The following ATG7 variants were observed in gnomAD, a reference collection of about 807,000 sequenced individuals.
ATG7 encodes ubiquitin-like modifier-activating enzyme ATG7.
Under a neutral mutation model 82.4 loss-of-function variants are expected in ATG7, and 70 were observed. The ratio of observed to expected loss-of-function variants is 0.85; its 90% confidence interval spans 0.70 to 1.04. The LOEUF is 1.04. Ranked by LOEUF, ATG7 falls within the 50% of genes least tolerant of loss-of-function variation. The pLI is 0.00. For missense variants in ATG7, 792 were observed against 864.3 expected (o/e 0.92, Z 1.05); for synonymous variants, 287 against 313.0 (o/e 0.92, Z 0.88).
Position 11,372,821 on chromosome 3 carries a change from CGT to C in ATG7, c.1876-7147_1876-7146del, listed in dbSNP as rs1205217101. Reference sequence around the variant, plus strand: ...GGCTGGGTGTGTGTGTGTGTGCGCGCGTGTGCGTGTGTGTGCGTGCGTGCGTG... The same window carrying C: ...GGCTGGGTGTGTGTGTGTGTGCGCGCGTGCGTGTGTGTGCGTGCGTGCGTG... On this transcript the variant is annotated intron_variant, in intron 18 of 20. Coordinates refer to ENST00000693202, the MANE Select transcript of ATG7 (RefSeq NM_001349232.2). 9.6e-5 allele frequency among the ~76,000 whole-genome samples: 12 copies of C among 125,392 alleles called. 1 individual carries two copies. In the South Asian group the frequency reaches 1.9e-3, roughly 20 times the overall value. The allele number at this position is 125,392 out of a possible 152,430, so 82.3% of individuals were successfully genotyped here.
At chr3:11,324,758 A>G (rs1950632138) in intron 9 of ATG7, among the ~76,000 whole-genome samples, 1 of 152,208 alleles carries the variant, frequency 6.6e-6, no homozygotes, top group Non-Finnish European at 1.5e-5. Context: ...TCTAGTTTAT[A>G]TAATTTAGAT....
chr3:11,286,459 T>C (rs996960331), intron 3 of ATG7, among the ~76,000 whole-genome samples: 2 of 152,150 alleles, frequency 1.3e-5, no homozygotes, highest in African/African-American at 4.8e-5. Context: ...CTGGGGTTTG[T>C]TCTCATAGTC....
downstream of ATG7, chr3:11,558,061 C>T (rs1026241112): frequency 5.6e-5 from 9 of 159,624 alleles, no homozygotes; most frequent in Non-Finnish European, 9.7e-5. Context: ...CAACTTTAGT[C>T]CTCCTCCAAT....
chr3:11,354,699 T>C (rs1240040438), intron 14 of ATG7, among the ~76,000 whole-genome samples: 1 of 150,676 alleles, frequency 6.6e-6, no homozygotes, highest in Admixed American at 6.6e-5. Context: ...GGAGCCACAC[T>C]TGAGGTTTTA....
intron 20 of ATG7, among the ~76,000 whole-genome samples, chr3:11,553,594 C>T (rs112575359): frequency 1.8e-4 from 27 of 152,312 alleles, no homozygotes; most frequent in African/African-American, 4.8e-4. Context: ...CGGTGGGGAC[C>T]TGACCCAGAG....
At chr3:11,384,767 C>T (rs888873709) in intron 19 of ATG7, among the ~76,000 whole-genome samples, 6 of 151,940 alleles carry the variant, frequency 3.9e-5, no homozygotes, top group Non-Finnish European at 8.8e-5. Flanking sequence ...TTGAGACCAG[C>T]CTGGGTAACA....
chr3:11,516,022 A>G (rs114359744), intron 20 of ATG7, among the ~76,000 whole-genome samples: 6,325 of 149,224 alleles, frequency 0.042, 441 homozygotes, highest in African/African-American at 0.15. Context: ...AACAGCTCAC[A>G]TTCCTTTTTA....
the ATG7 span, among the ~76,000 whole-genome samples, chr3:11,571,750 C>T: frequency 4.7e-4 from 72 of 152,282 alleles, 1 homozygote; most frequent in African/African-American, 1.7e-3. Context: ...TCCATGGACC[C>T]GGCAACACAG....
rs570582042 is a variant in ATG7, at chr3:11,554,822, G to A, written c.2091G>A (p.Met697Ile). Residue 697 changes from methionine to isoleucine, a missense_variant, in exon 21 of 21, where the codon ATG becomes ATA. By Grantham distance (10) the Met-to-Ile change is conservative (BLOSUM62 1). Coordinates refer to ENST00000693202, the MANE Select transcript of ATG7 (RefSeq NM_001349232.2). ...CCTTCTCCATGCAGATCTGGGACAT[G>A]AGCGATGATGAGACCATCTGAGATG... ...QETQAAEIWD[M>I]SDDETI is the part of the protein sequence containing the mutation. The A allele has an allele frequency of 1.4e-4, 229 of 1,613,390 alleles. 1 individual carries two copies. In the South Asian group the frequency reaches 2.3e-3, roughly 16 times the overall value.
At chr3:11,375,437 G>A (rs1247486221) in intron 18 of ATG7, among the ~76,000 whole-genome samples, 3 of 152,222 alleles carry the variant, frequency 2.0e-5, no homozygotes, top group East Asian at 3.8e-4. Flanking sequence ...AGAAATGCAA[G>A]TCACAACCAT....
At chr3:11,497,534 A>G (rs11715175) in intron 20 of ATG7, among the ~76,000 whole-genome samples, 20,436 of 120,328 alleles carry the variant, frequency 0.17, 1,661 homozygotes, top group East Asian at 0.33. Flanking sequence ...AGACTCCACC[A>G]AAAAAAAAAA....
At chr3:11,299,725 G>A (rs1334537247) in intron 5 of ATG7, among the ~76,000 whole-genome samples, 1 of 152,030 alleles carries the variant, frequency 6.6e-6, no homozygotes, top group Non-Finnish European at 1.5e-5. Flanking sequence ...TTCTTTTCTT[G>A]ATACCTCTCT....
At chr3:11,348,125 T>A in intron 14 of ATG7, 90 bp downstream of exon 14, 1 of 1,472,644 alleles carries the variant, frequency 6.8e-7, no homozygotes, top group Middle Eastern at 2.2e-4. Context: ...AGAAAGAGAG[T>A]CAGATATCTG....
intron 19 of ATG7, among the ~76,000 whole-genome samples, chr3:11,426,292 G>A (rs2082356433): frequency 6.6e-6 from 1 of 152,108 alleles, no homozygotes; most frequent in African/African-American, 2.4e-5. Context: ...ATGCCATGGA[G>A]CCCATTTTCA....
intron 20 of ATG7, among the ~76,000 whole-genome samples, chr3:11,507,093 C>G (rs868207162): frequency 2.1e-4 from 32 of 152,158 alleles, no homozygotes; most frequent in African/African-American, 7.0e-4. Context: ...ACAGCCAGGC[C>G]CAACATAGTG....
At position 11,323,253 on chromosome 3, in the gene ATG7, T is replaced by C. The variant is rs560027351; in HGVS notation, c.678+7760T>C. Among the ~76,000 whole-genome samples the C allele has an allele frequency of 8.7e-4, 133 of 152,318 alleles. 2 individuals carry two copies. In the South Asian group the frequency reaches 0.027, roughly 31 times the overall value. On this transcript the variant is annotated intron_variant, in intron 9 of 20. Transcript: ENST00000693202. ...ACCATGGCCAATTGCAGGCTACCAG[T>C]GTGAAGTCCTGGAATGCCGAATTGA...
intron 20 of ATG7, among the ~76,000 whole-genome samples, chr3:11,537,381 C>G (rs1371904054): frequency 1.3e-5 from 2 of 152,308 alleles, no homozygotes; most frequent in East Asian, 3.9e-4. Flanking sequence ...GTCACCTCCA[C>G]TAGGCAGGGA....
At chr3:11,292,980 G>A (rs1057157443) in intron 3 of ATG7, among the ~76,000 whole-genome samples, 5 of 152,150 alleles carry the variant, frequency 3.3e-5, no homozygotes, top group Admixed American at 1.3e-4. Flanking sequence ...GCTTTATTGC[G>A]TTGAGAGAGA....
intron 19 of ATG7, among the ~76,000 whole-genome samples, chr3:11,386,549 C>T (rs1490764946): frequency 6.6e-6 from 1 of 152,172 alleles, no homozygotes; most frequent in Non-Finnish European, 1.5e-5. Context: ...GTCGGAAGAG[C>T]TCTCTGCAGC....
Sources: gnomAD v4.1 joint callset for allele counts (sites outside exome capture counted in the v4.1 genomes callset) on GRCh38, gnomAD v4.1.1 for gene constraint, MANE v1.5 for transcripts, NCBI Gene and HGNC (gene_info 2026-07-23, HGNC 2026-07-21) for gene names.